CFAP91: variants seen among roughly 807,000 people sequenced by gnomAD.
The protein encoded by CFAP91 is cilia- and flagella-associated protein 91.
Under a neutral mutation model 95.9 loss-of-function variants are expected in CFAP91, and 85 were observed. The observed-to-expected ratio is 0.89, with a 90% CI of 0.74 to 1.06. CFAP91 has a LOEUF of 1.06. Among genes scored for constraint, CFAP91 ranks in the 50% least tolerant of loss-of-function variants. The pLI, the probability that CFAP91 is intolerant of heterozygous loss-of-function variation, is 0.00. For synonymous variants in CFAP91, 335 were observed against 327.5 expected (o/e 1.02, Z -0.25); for missense variants, 962 against 943.4 (o/e 1.02, Z -0.26).
chr3:119,731,203 C>T (rs1226099574), intron 8 of CFAP91, among the ~76,000 whole-genome samples: 1 of 152,216 alleles, frequency 6.6e-6, no homozygotes, highest in East Asian at 1.9e-4. Context: ...CACCACTGCA[C>T]TCCAGCCTGG....
chr3:119,747,049 T>C, intron 14 of CFAP91, 66 bp from the exon 15 acceptor site: 3 of 1,259,142 alleles, frequency 2.4e-6, no homozygotes, highest in Non-Finnish European at 3.2e-6. Context: ...CCAATGTTTG[T>C]GTATTTTTCT....
At position 119,766,865 on chromosome 3, in the gene CFAP91, T is replaced by C. The variant is rs2054640274; in HGVS notation, c.*1815T>C. On this transcript the variant is annotated 3_prime_UTR_variant, in exon 18 of 18. Coordinates refer to ENST00000273390, the MANE Select transcript of CFAP91 (RefSeq NM_033364.4). Reference sequence around the variant, plus strand: ...TAAAATATGATATTTTCTTTAAAAATCTTTATCCTTATGTAGACTTCTAAA... The same window carrying C: ...TAAAATATGATATTTTCTTTAAAAACCTTTATCCTTATGTAGACTTCTAAA... The C allele has an allele frequency of 6.6e-6, 1 of 152,244 alleles. No individual in the cohort carries two copies. Among genetic ancestry groups the C allele is most frequent in the Non-Finnish European group, 1.5e-5 (1 of 68,032 alleles). The allele number at this position is 152,244 out of a possible 1,614,324, so 9.4% of individuals were successfully genotyped here.
At chr3:119,747,979 T>G in intron 16 of CFAP91, 77 bp downstream of exon 16, 1 of 1,122,170 alleles carries the variant, frequency 8.9e-7, no homozygotes, top group Non-Finnish European at 1.3e-6. Context: ...GATTTAAAAT[T>G]AAACAGAGGG....
At position 119,765,404 on chromosome 3, in the gene CFAP91, A is replaced by T. The variant is rs1430582659; in HGVS notation, c.*354A>T. ...AGTTTTGGTTCACTATTCACAGGAC[A>T]TTGGCATTATCTACTAAGGCTGAAA... On this transcript the variant is annotated 3_prime_UTR_variant, in exon 18 of 18. Coordinates refer to ENST00000273390, the MANE Select transcript of CFAP91 (RefSeq NM_033364.4). 2.0e-5 allele frequency: 3 copies of T among 152,200 alleles called. No individual in the cohort carries two copies. The highest frequency in any genetic ancestry group is 4.4e-5 in the Non-Finnish European group (3 of 68,030). 9.4% of individuals were successfully genotyped at this position (152,200 alleles called of 1,614,324 possible).
chr3:119,722,365 A>G (rs536738332), intron 6 of CFAP91, among the ~76,000 whole-genome samples: 1 of 152,264 alleles, frequency 6.6e-6, no homozygotes, highest in Admixed American at 6.5e-5. Flanking sequence ...AGGCTGAGGC[A>G]GGAGAATCAC....
At chr3:119,752,767 A>G (rs530502085) in intron 17 of CFAP91, among the ~76,000 whole-genome samples, 1 of 152,368 alleles carries the variant, frequency 6.6e-6, no homozygotes, top group South Asian at 2.1e-4. Context: ...TTCTATTTAT[A>G]CTTAGTGAAA....
At chr3:119,730,056 C>G (rs2053864420) in intron 7 of CFAP91, among the ~76,000 whole-genome samples, 164 bp from the exon 8 acceptor site, 1 of 152,116 alleles carries the variant, frequency 6.6e-6, no homozygotes, top group Non-Finnish European at 1.5e-5. Flanking sequence ...TGAGTTGCCT[C>G]CCCCACGCCC....
Position 119,730,219 on chromosome 3 carries a change from G to A in CFAP91, c.861-1G>A. 6.2e-7 allele frequency: 1 copy of A among 1,611,008 alleles called. No homozygotes were observed. Among genetic ancestry groups the A allele is most frequent in the South Asian group, 1.1e-5 (1 of 90,468 alleles). On this transcript the variant is annotated splice_acceptor_variant, in intron 7 of 17. Transcript: ENST00000273390. LOFTEE classifies it high-confidence loss of function. The stretch of plus-strand genomic sequence containing the variant: ...CTTTATGTTTTGTAATTTACTTGAA[G>A]ACTGCAGGAGATTCGCCTGGAAGTT...
intron 7 of CFAP91, 92 bp from the exon 8 acceptor site, chr3:119,730,128 G>A: frequency 7.7e-7 from 1 of 1,298,374 alleles, no homozygotes; most frequent in Non-Finnish European, 1.1e-6. Context: ...TATGATAGCA[G>A]CCCACAGAGA....
At chr3:119,755,537 A>G (rs141070579) in intron 17 of CFAP91, among the ~76,000 whole-genome samples, 54 of 152,144 alleles carry the variant, frequency 3.5e-4, no homozygotes, top group African/African-American at 1.2e-3. Flanking sequence ...TCCATCTTCA[A>G]TGTGAAGACA....
At position 119,707,540 on chromosome 3, in the gene CFAP91, A is replaced by G. The variant is rs189773858; in HGVS notation, c.338A>G (p.Glu113Gly). The change falls in exon 3 of 18, where the codon GAA (glutamate) becomes GGA (glycine). Residue 113 changes from glutamate (E) to glycine (G), a missense_variant. Glu to Gly is a moderately conservative substitution (Grantham distance 98). Coordinates refer to ENST00000273390, the MANE Select transcript of CFAP91 (RefSeq NM_033364.4). ...AAGGGACATAAGGAGAAACACAGAGAAGCCCTCCGGCAGCTCACCACGTAA... is the reference window on the plus strand; with the variant it reads ...AAGGGACATAAGGAGAAACACAGAGGAGCCCTCCGGCAGCTCACCACGTAA... ...EWKGHKEKHR[E>G]ALRQLTTTDA... 1.4e-5 allele frequency: 22 copies of G among 1,583,600 alleles called. No homozygotes were observed. The East Asian group carries it at 2.2e-4, about 16-fold the overall frequency.
Position 119,739,306 on chromosome 3 carries a change from G to T in CFAP91, c.1513G>T (p.Gly505Cys), listed in dbSNP as rs1033366909. Residue 505 changes from glycine to cysteine, a missense_variant, in exon 12 of 18, where the codon GGC becomes TGC. Gly to Cys is a radical substitution (Grantham distance 159). Coordinates refer to ENST00000273390, the MANE Select transcript of CFAP91 (RefSeq NM_033364.4). Reference sequence around the variant, plus strand: ...GATCTACCTTCAAAAGTTACTCCGGGGCAGAGTCGTTCAGAACATGGTGTG... The same window carrying T: ...GATCTACCTTCAAAAGTTACTCCGGTGCAGAGTCGTTCAGAACATGGTGTG... ...AVIYLQKLLR[G>C]RVVQNMMFEG... 6.2e-7 allele frequency: 1 copy of T among 1,613,978 alleles called. No homozygotes were observed. The highest frequency in any genetic ancestry group is 8.5e-7 in the Non-Finnish European group (1 of 1,180,006).
At chr3:119,716,709 C>A (rs1257089836) in intron 6 of CFAP91, among the ~76,000 whole-genome samples, 1 of 152,178 alleles carries the variant, frequency 6.6e-6, no homozygotes, top group Non-Finnish European at 1.5e-5. Flanking sequence ...GCCTCAGTCT[C>A]CCGAGTAGCT....
chr3:119,709,964 A>C, intron 5 of CFAP91, 69 bp downstream of exon 5: 1 of 1,228,454 alleles, frequency 8.1e-7, no homozygotes, highest in Admixed American at 1.8e-5. Context: ...TTTTCTTAGA[A>C]GATAGTTCAC....
chr3:119,752,976 T>C (rs1219876191), intron 17 of CFAP91, among the ~76,000 whole-genome samples: 2 of 152,154 alleles, frequency 1.3e-5, no homozygotes, highest in Non-Finnish European at 2.9e-5. Context: ...AAGCAGAGAA[T>C]GACAGATGTG....
At chr3:119,760,417 A>C (rs1219717578) in intron 17 of CFAP91, among the ~76,000 whole-genome samples, 1 of 151,878 alleles carries the variant, frequency 6.6e-6, no homozygotes, top group African/African-American at 2.4e-5. Context: ...AGGGAGAGCT[A>C]GACTGTAATA....
At chr3:119,725,568 A>G (rs1488468165) in intron 6 of CFAP91, among the ~76,000 whole-genome samples, 2 of 152,178 alleles carry the variant, frequency 1.3e-5, no homozygotes, top group Non-Finnish European at 2.9e-5. Context: ...AGCCTGGGCA[A>G]CATGGTGAAA....
At chr3:119,716,439 G>T (rs2053575169) in intron 6 of CFAP91, among the ~76,000 whole-genome samples, 1 of 152,330 alleles carries the variant, frequency 6.6e-6, no homozygotes. Context: ...TCATGGTAAT[G>T]ATTTTTAAAT....
At chr3:119,714,332 C>T (rs1208960346) in intron 5 of CFAP91, among the ~76,000 whole-genome samples, 1 of 146,902 alleles carries the variant, frequency 6.8e-6, no homozygotes, top group Non-Finnish European at 1.5e-5. Context: ...CGCTACTGCA[C>T]TCTAACCTGG....
Sources: allele counts gnomAD v4.1 joint callset (sites outside exome capture counted in the v4.1 genomes callset), GRCh38; gene constraint gnomAD v4.1.1; transcripts MANE v1.5; gene names NCBI Gene and HGNC (gene_info 2026-07-23, HGNC 2026-07-21).